The following TACC2 variants were observed in gnomAD, a reference collection of about 807,000 sequenced individuals.
TACC2 encodes the protein transforming acidic coiled-coil containing protein 2.
In TACC2, 137 loss-of-function variants were observed where a neutral mutation model predicts 227.3. The observed-to-expected ratio is 0.60, with a 90% CI of 0.52 to 0.69. The LOEUF (loss-of-function observed/expected upper bound fraction) is 0.69. TACC2 is among the 30% of genes least tolerant of loss of function. The pLI is 0.00. For missense variants in TACC2, 3,470 were observed against 3,694.4 expected, an observed-to-expected ratio of 0.94 and a Z score of 1.57; for synonymous variants, 1,523 against 1,487.5, an observed-to-expected ratio of 1.02 and a Z score of -0.55.
rs759412867 is a variant in TACC2 at position 122,083,032 on chromosome 10, C to G, written c.532C>G (p.Gln178Glu). Residue 178 changes from glutamine to glutamate, a missense_variant, in exon 4 of 23, where the codon CAG (glutamine) becomes GAG (glutamate). Physicochemically the swap from Gln to Glu is conservative, Grantham distance 29. Coordinates refer to ENST00000369005, the MANE Select transcript of TACC2 (RefSeq NM_206862.4). ...CGTCCCCAGTGCTGGAAGAGAGAGA[C>G]AGCCGAAGGAAGAAGGACAGAAGTC... ...AAVPSAGRER[Q>E]PKEEGQKSSF... 6.2e-7 allele frequency: 1 copy of G among 1,612,504 alleles called. No individual in the cohort carries two copies. Among genetic ancestry groups the G allele is most frequent in the Non-Finnish European group, 8.5e-7 (1 of 1,179,998 alleles).
intron 19 of TACC2, chr10:122,247,014 T>C (rs11200500): frequency 0.31 from 47,923 of 152,384 alleles, 8,241 homozygotes; most frequent in South Asian, 0.43. Context: ...CCTGGGGCAT[T>C]GGAGGCCTTC....
At chr10:122,246,002 G>T (rs2096109242) in intron 19 of TACC2, among the ~76,000 whole-genome samples, 4 of 151,384 alleles carry the variant, frequency 2.6e-5, no homozygotes, top group Admixed American at 2.6e-4. Flanking sequence ...ACTGGCTTGG[G>T]CAGCTCTGGG....
intron 2 of TACC2, 148 bp downstream of exon 2, chr10:122,022,162 C>A: frequency 1.5e-6 from 1 of 684,786 alleles, no homozygotes; most frequent in Non-Finnish European, 2.5e-6. Flanking sequence ...TGGATCTATG[C>A]AGCCATTTTT....
chr10:122,195,226 C>G (rs2094527477), intron 8 of TACC2, 50 bp downstream of exon 8: 3 of 1,519,604 alleles, frequency 2.0e-6, no homozygotes, highest in Admixed American at 3.9e-5. Context: ...GTTGTGAGCC[C>G]TGGGGGAGAT....
intron 7 of TACC2, among the ~76,000 whole-genome samples, chr10:122,160,044 C>G (rs994700127): frequency 6.6e-6 from 1 of 152,174 alleles, no homozygotes; most frequent in African/African-American, 2.4e-5. Flanking sequence ...TATCTTTTGG[C>G]TACAGGGATT....
intron 21 of TACC2, 83 bp from the exon 22 acceptor site, chr10:122,249,461 T>A: frequency 1.3e-6 from 2 of 1,553,530 alleles, no homozygotes; most frequent in Middle Eastern, 1.8e-4. Context: ...ACCAGGCCAC[T>A]CTCCCTGCCT....
intron 1 of TACC2, 73 bp downstream of exon 1, chr10:121,989,561 A>T (rs1952945884): frequency 6.6e-6 from 1 of 152,064 alleles, no homozygotes; most frequent in South Asian, 2.1e-4. Flanking sequence ...AGGGTAGGAA[A>T]ACCCTATCTT....
intron 22 of TACC2, among the ~76,000 whole-genome samples, chr10:122,253,468 C>T (rs1279471950): frequency 6.6e-6 from 1 of 152,146 alleles, no homozygotes; most frequent in East Asian, 1.9e-4. Flanking sequence ...AGCCAGCTCG[C>T]ATCTGCCCCC....
chr10:122,153,815 T>C (rs17103138), intron 7 of TACC2, among the ~76,000 whole-genome samples: 18,052 of 152,266 alleles, frequency 0.12, 1,383 homozygotes, highest in African/African-American at 0.21. Context: ...AGGGTCAGCT[T>C]AAGGATGCCA....
intron 1 of TACC2, among the ~76,000 whole-genome samples, chr10:122,009,980 T>C (rs1955721441): frequency 6.6e-6 from 1 of 152,186 alleles, no homozygotes; most frequent in Admixed American, 6.5e-5. Flanking sequence ...ATTTAAATAA[T>C]AAAGTAGCCT....
At chr10:122,232,927 C>G (rs948261139) in intron 16 of TACC2, among the ~76,000 whole-genome samples, 1 of 152,134 alleles carries the variant, frequency 6.6e-6, no homozygotes, top group Non-Finnish European at 1.5e-5. Context: ...GTTGCTAGCA[C>G]AAAGATGAAA....
chr10:122,021,861 G>T (rs1957382585), intron 1 of TACC2, 76 bp from the exon 2 acceptor site: 1 of 802,894 alleles, frequency 1.2e-6, no homozygotes, highest in Non-Finnish European at 2.1e-6. Flanking sequence ...TTTTGAGTTT[G>T]GGGAGATGAG....
At position 122,082,953 on chromosome 10, in the gene TACC2, G is replaced by C. The variant is rs774257197; in HGVS notation, c.453G>C (p.Ala151=). 1 of 1,612,980 alleles carries C rather than the reference G, an allele frequency of 6.2e-7. No homozygotes were observed. The change falls in exon 4 of 23, where the codon GCG becomes GCC. Residue 151 remains alanine (A), a synonymous_variant. Transcript: ENST00000369005. ...EPAPNAPGDI[A]AAFPAERDSS... is the part of the protein sequence containing the mutation. ...CCCCAAATGCCCCAGGAGACATCGC[G>C]GCGGCATTTCCCGCTGAGAGGGACA...
chr10:122,192,410 A>G (rs2094439478), intron 7 of TACC2: 17 of 295,000 alleles, frequency 5.8e-5, no homozygotes, highest in South Asian at 5.6e-4. Context: ...CTGTTGAGAA[A>G]GAGCAGAGCC....
chr10:122,096,423 G>A (rs1026522199), intron 5 of TACC2, among the ~76,000 whole-genome samples: 13 of 152,300 alleles, frequency 8.5e-5, no homozygotes, highest in South Asian at 2.1e-4. Context: ...CCGGCCAGGC[G>A]CGGTGGCTCA....
At chr10:122,036,420 C>G (rs111609596) in intron 2 of TACC2, among the ~76,000 whole-genome samples, 13,725 of 151,578 alleles carry the variant, frequency 0.091, 719 homozygotes, top group South Asian at 0.15. Flanking sequence ...GTCTCGATCT[C>G]CTGACCTCGT....
intron 7 of TACC2, chr10:122,164,036 G>T: frequency 6.4e-7 from 1 of 1,553,632 alleles, no homozygotes; most frequent in Non-Finnish European, 8.7e-7. Flanking sequence ...CGGGGAGGAG[G>T]AGAGGATGCC....
intron 3 of TACC2, among the ~76,000 whole-genome samples, chr10:122,068,544 T>C (rs577791740): frequency 6.6e-6 from 1 of 152,282 alleles, no homozygotes; most frequent in African/African-American, 2.4e-5. Flanking sequence ...TCTTCCCCAA[T>C]ACTGAGACAA....
intron 7 of TACC2, among the ~76,000 whole-genome samples, chr10:122,174,120 C>A (rs2093602040): frequency 6.6e-6 from 1 of 152,218 alleles, no homozygotes; most frequent in Non-Finnish European, 1.5e-5. Flanking sequence ...GTAGTTTCTC[C>A]ATTTCCTCTT....
Sources: allele counts gnomAD v4.1 joint callset (sites outside exome capture counted in the v4.1 genomes callset), GRCh38; gene constraint gnomAD v4.1.1; transcripts MANE v1.5; gene names NCBI Gene and HGNC (gene_info 2026-07-23, HGNC 2026-07-21).